Variants in ACTN4 observed in about 807,000 individuals in gnomAD.
The protein encoded by ACTN4 is alpha-actinin-4.
Under a neutral mutation model 114.2 loss-of-function variants are expected in ACTN4, and 18 were observed. The observed-to-expected ratio is 0.16, with a 90% CI of 0.11 to 0.23. The LOEUF is 0.23. Among genes scored for constraint, ACTN4 ranks in the 10% least tolerant of loss-of-function variants. ACTN4 has a pLI of 1.00. For missense variants in ACTN4, 722 were observed against 1,262.9 expected, an observed-to-expected ratio of 0.57 and a Z score of 6.49; for synonymous variants, 515 against 506.3, an observed-to-expected ratio of 1.02 and a Z score of -0.23.
rs537260259 is a variant in ACTN4, at chr19:38,727,630, C to T, written c.2338-316C>T. The stretch of plus-strand genomic sequence containing the variant: ...CCAAATCCCAAAGGCAAGGAGAACC[C>T]CCCCCCCGACCCTCCACCAGTCCTG... On this transcript the variant is annotated intron_variant, in intron 18 of 20. Coordinates refer to ENST00000252699, the MANE Select transcript of ACTN4 (RefSeq NM_004924.6). This position sits in a 1 kb window ranked among gnomAD's most constrained non-coding sequence, Gnocchi z 5.4. 3.9e-3 allele frequency among the ~76,000 whole-genome samples: 542 copies of T among 137,760 alleles called. 6 individuals carry two copies. Among genetic ancestry groups the T allele is most frequent in the Non-Finnish European group, 7.1e-3 (448 of 62,922 alleles). 90.4% of individuals were successfully genotyped at this position (137,760 alleles called of 152,430 possible). A position where few individuals can be genotyped will look rare whatever the true frequency, so the allele number is the denominator to read the frequency against.
chr19:38,714,609 C>T (rs969204280), intron 9 of ACTN4, 48 bp downstream of exon 9: 1 of 1,580,296 alleles, frequency 6.3e-7, no homozygotes, highest in Admixed American at 1.7e-5. Flanking sequence ...TATCCTCAGC[C>T]AGAGGTCACT....
intron 1 of ACTN4, among the ~76,000 whole-genome samples, chr19:38,669,418 A>G (rs191360896): frequency 2.4e-4 from 37 of 152,350 alleles, no homozygotes; most frequent in African/African-American, 8.4e-4. Flanking sequence ...TCCCCTGTCA[A>G]TGGCATCTGA....
intron 1 of ACTN4, among the ~76,000 whole-genome samples, chr19:38,673,636 T>TTTATATATATTTATATATA (rs1967248873): frequency 1.9e-5 from 1 of 52,248 alleles, no homozygotes; most frequent in Non-Finnish European, 4.3e-5. Context: ...TTCATATATA[T>TTTATATATATTTATATATA]TTATATATAT....
intron 12 of ACTN4, among the ~76,000 whole-genome samples, chr19:38,722,410 C>T (rs1248442453): frequency 6.6e-6 from 1 of 152,224 alleles, no homozygotes; most frequent in East Asian, 1.9e-4. Context: ...CACCCCCACC[C>T]CACCACAGTC....
At chr19:38,709,253 A>G (rs1032840940) in intron 6 of ACTN4, 142 bp from the exon 7 acceptor site, 2 of 741,224 alleles carry the variant, frequency 2.7e-6, no homozygotes, top group African/African-American at 1.7e-5. Context: ...CCGCTCACAC[A>G]TCACACGTGG....
chr19:38,692,576 C>T (rs1967964861), intron 1 of ACTN4, among the ~76,000 whole-genome samples: 1 of 152,212 alleles, frequency 6.6e-6, no homozygotes, highest in Non-Finnish European at 1.5e-5. Context: ...AAGGCTTAGC[C>T]GTCTGGCCCT....
chr19:38,693,945 C>T (rs1292805751), intron 1 of ACTN4, among the ~76,000 whole-genome samples: 1 of 152,230 alleles, frequency 6.6e-6, no homozygotes, highest in Non-Finnish European at 1.5e-5. Context: ...CCCTTCCCCG[C>T]ACTCACACCC....
intron 1 of ACTN4, among the ~76,000 whole-genome samples, chr19:38,674,711 C>T (rs1036111449): frequency 1.3e-5 from 2 of 152,152 alleles, no homozygotes; most frequent in African/African-American, 4.8e-5. Flanking sequence ...AGACTCTTCC[C>T]TTTTTAGGTT....
chr19:38,713,330 C>G (rs1461745711), intron 8 of ACTN4, among the ~76,000 whole-genome samples: 1 of 152,256 alleles, frequency 6.6e-6, no homozygotes, highest in African/African-American at 2.4e-5. Context: ...TTGCGGCAGC[C>G]CCGTGCTCAC....
chr19:38,655,651 A>G (rs1976692235), intron 1 of ACTN4, among the ~76,000 whole-genome samples: 1 of 152,106 alleles, frequency 6.6e-6, no homozygotes, highest in Non-Finnish European at 1.5e-5. Flanking sequence ...TGCTTGATTC[A>G]TCTTCAGTTT....
chr19:38,687,758 C>G (rs760895223), intron 1 of ACTN4, among the ~76,000 whole-genome samples: 1 of 152,068 alleles, frequency 6.6e-6, no homozygotes, highest in Non-Finnish European at 1.5e-5. Flanking sequence ...GAAACACAAC[C>G]GAAGAAAAAT....
chr19:38,708,600 A>T (rs904191448), intron 6 of ACTN4, among the ~76,000 whole-genome samples: 2 of 152,222 alleles, frequency 1.3e-5, no homozygotes, highest in African/African-American at 4.8e-5. Context: ...TTGCCTGTAC[A>T]AAGCCTGTAT....
Position 38,728,000 on chromosome 19 carries a change from G to T in ACTN4, c.2392G>T (p.Gly798Cys). 29 of 1,613,116 alleles carry T rather than the reference G, an allele frequency of 1.8e-5. No individual in the cohort carries two copies. The highest frequency in any genetic ancestry group is 2.5e-5 in the Non-Finnish European group (29 of 1,179,920). The change falls in exon 19 of 21, where the codon GGC becomes TGC. Residue 798 changes from glycine (G) to cysteine (C), a missense_variant. Transcript: ENST00000252699. The surrounding 1 kb of genome is among the most constrained non-coding windows in gnomAD (Gnocchi z 5.4). ...GTTCAAGGCCTGCCTCATCAGCCTGGGCTACGACGTGGAGAACGACCGGCA... is the reference window on the plus strand; with the variant it reads ...GTTCAAGGCCTGCCTCATCAGCCTGTGCTACGACGTGGAGAACGACCGGCA... ...EEFKACLISLGYDVENDRQGE... is the reference protein window; with the variant it reads ...EEFKACLISLCYDVENDRQGE...
intron 1 of ACTN4, among the ~76,000 whole-genome samples, chr19:38,697,089 G>T (rs145620631): frequency 6.6e-6 from 1 of 151,842 alleles, no homozygotes. Context: ...ATGTGAATCC[G>T]CACCTGTGTG....
In ACTN4 at chr19:38,729,427, C is replaced by G. The variant is rs138223953; in HGVS notation, c.2731C>G (p.Leu911Val). 6.2e-7 allele frequency: 1 copy of G among 1,612,810 alleles called. No homozygotes were observed. Among genetic ancestry groups the G allele is most frequent in the Admixed American group, 1.7e-5 (1 of 60,012 alleles). ...CACGGCCTTGTATGGCGAGAGCGAC[C>G]TGTGAGGCCCCAGAGACCTGACCCA... is the stretch of plus-strand genomic sequence containing the variant. ...FSTALYGESD[L>V] is the part of the protein sequence containing the mutation. The change falls in exon 21 of 21, where the codon CTG becomes GTG. Residue 911 changes from leucine (L) to valine (V), a missense_variant. Around this residue, in one of 3 missense-constraint regions of ACTN4, gnomAD observed 523 missense variants for 875.9 expected, o/e 0.60. Transcript: ENST00000252699.
intron 1 of ACTN4, among the ~76,000 whole-genome samples, chr19:38,676,617 C>T (rs1967383772): frequency 1.3e-5 from 2 of 152,124 alleles, no homozygotes; most frequent in Non-Finnish European, 2.9e-5. Context: ...CCTCTGGGGC[C>T]GGATGTGGAA....
intron 12 of ACTN4, chr19:38,721,980 C>T (rs1969061537): frequency 4.2e-6 from 2 of 480,580 alleles, no homozygotes; most frequent in Admixed American, 3.3e-5. Flanking sequence ...GGGGGTGTCA[C>T]CTCTCCTGGC....
chr19:38,673,565 AT>A (rs1393702283), intron 1 of ACTN4, among the ~76,000 whole-genome samples: 4 of 92,046 alleles, frequency 4.3e-5, no homozygotes, highest in Non-Finnish European at 9.1e-5. Context: ...ACTTATATAT[AT>A]TTATATATAT....
At chr19:38,700,481 C>T (rs1335191253) in intron 1 of ACTN4, 119 bp from the exon 2 acceptor site, 17 of 805,386 alleles carry the variant, frequency 2.1e-5, no homozygotes, top group Non-Finnish European at 3.7e-5. Flanking sequence ...TGTGTGTCGG[C>T]GAGTGCTCCG....
Sources: gnomAD v4.1 joint callset for allele counts (sites outside exome capture counted in the v4.1 genomes callset) on GRCh38, gnomAD v4.1.1 for gene constraint, gnomAD v4.1.1 regional missense constraint, Gnocchi (gnomAD v3.1) non-coding constraint, MANE v1.5 for transcripts, NCBI Gene and HGNC (gene_info 2026-07-23, HGNC 2026-07-21) for gene names.